The following COL1A1 variants were observed in gnomAD, a reference collection of about 807,000 sequenced individuals.
The protein encoded by COL1A1 is collagen alpha-1(I) chain.
COL1A1 carries 21 observed loss-of-function variants against 195.7 expected under a neutral mutation model. That is an observed-to-expected ratio of 0.11 (90% CI 0.08 to 0.15). The LOEUF (loss-of-function observed/expected upper bound fraction) is 0.15, where lower values mean the gene tolerates loss of function less well. Among genes scored for constraint, COL1A1 ranks in the 10% least tolerant of loss-of-function variants. The probability of loss-of-function intolerance (pLI) is 1.00; values close to 1 mark genes in which losing one functional copy is unlikely to be tolerated. For synonymous variants in COL1A1, 749 were observed against 747.3 expected (o/e 1.00, Z -0.04); for missense variants, 1,365 against 2,051.0 (o/e 0.67, Z 6.46).
rs73987447 is a variant in COL1A1, at chr17:50,197,678, C to T, written c.696+54G>A. On this transcript the variant is annotated intron_variant, in intron 9 of 50. Transcript: ENST00000225964. ...TGTGGTGGAGTGGAAATTGCAGGACCCAACCCATGGAGGCCATGGGGTCAG... is the reference window on the plus strand; with the variant it reads ...TGTGGTGGAGTGGAAATTGCAGGACTCAACCCATGGAGGCCATGGGGTCAG... 9,732 of 1,435,730 alleles carry T rather than the reference C, an allele frequency of 6.8e-3. 568 individuals are homozygous for T. The African/African-American group carries it at 0.12, about 18-fold the overall frequency. The allele number at this position is 1,435,730 out of a possible 1,614,324, so 88.9% of individuals were successfully genotyped here.
At position 50,188,751 on chromosome 17, in the gene COL1A1, A is replaced by T; in HGVS notation, c.3090T>A (p.Pro1030=). Residue 1030 remains proline, a synonymous_variant, in exon 42 of 51, where the codon CCT becomes CCA. Coordinates refer to ENST00000225964, the MANE Select transcript of COL1A1 (RefSeq NM_000088.4). The surrounding 1 kb of genome is among the most constrained non-coding windows in gnomAD (Gnocchi z 5.6). ...AGTGTTGCCATCTTACCTTGGCGCC[A>T]GGAGAACCGTCTCGTCCAGGGGAAC... ...AEGSPGRDGS[P]GAKGDRGETG... 1 of 1,614,116 alleles carries T rather than the reference A, an allele frequency of 6.2e-7. No homozygotes were observed. Among genetic ancestry groups the T allele is most frequent in the Non-Finnish European group, 8.5e-7 (1 of 1,179,980 alleles).
chr17:50,192,129 G>A lies in COL1A1; in HGVS notation c.1984-105C>T. 6 of 1,221,418 alleles carry A rather than the reference G, an allele frequency of 4.9e-6. 1 individual carries two copies. The highest frequency in any genetic ancestry group is 1.9e-4 in the Middle Eastern group (1 of 5,214). The allele number at this position is 1,221,418 out of a possible 1,614,324, so 75.7% of individuals were successfully genotyped here. On this transcript the variant is annotated intron_variant, in intron 29 of 50. Transcript: ENST00000225964. The stretch of plus-strand genomic sequence containing the variant: ...CTGGGGTCTGGCCGTGATTAGAGAG[G>A]AACCCCTTCTCAGCACTGAATTGAG...
Position 50,194,361 on chromosome 17 carries a change from C to G in COL1A1, c.1602G>C (p.Leu534=). The G allele has an allele frequency of 6.2e-7, 1 of 1,614,104 alleles. No homozygotes were observed. The highest frequency in any genetic ancestry group is 8.5e-7 in the Non-Finnish European group (1 of 1,180,020). ...CCTGGGGCCTCACCTTGGCACCAGG[C>G]AGACCAGCTTCACCGGGACGACCAG... ...GEAGRPGEAG[L]PGAKGLTGSP... Residue 534 remains leucine (L), a synonymous_variant, in exon 23 of 51, where the codon CTG becomes CTC. Transcript: ENST00000225964. The surrounding 1 kb of genome is among the most constrained non-coding windows in gnomAD (Gnocchi z 6.8).
rs1567755411 is a variant in COL1A1 at position 50,189,435 on chromosome 17, G to C, written c.2771C>G (p.Pro924Arg). 1 of 1,612,970 alleles carries C rather than the reference G, an allele frequency of 6.2e-7. No individual in the cohort carries two copies. The highest frequency in any genetic ancestry group is 8.5e-7 in the Non-Finnish European group (1 of 1,179,652). The change falls in exon 39 of 51, where the codon CCC (proline) becomes CGC (arginine). Residue 924 changes from proline (P) to arginine (R), a missense_variant. Around this residue, in one of 5 missense-constraint regions of COL1A1, gnomAD observed 671 missense variants for 1,099.9 expected, o/e 0.61. Transcript: ENST00000225964. The surrounding 1 kb of genome is among the most constrained non-coding windows in gnomAD (Gnocchi z 5.5). ...GPAGRPGEVG[P>R]PGPPGPAGEK... ...GCCAGCAGGGCCAGGGGGACCAGGG[G>C]GACCAACTTCACCAGGACGTCCAGC...
chr17:50,196,215 G>GA lies in COL1A1; in HGVS notation c.958-17dup, dbSNP rs1907574880. Reference sequence around the variant, plus strand: ...CACGAGCACCCTGCAGGAGAGAGGGGAAGCCCCGTTAAGTCCACTGAGCAC... The same window carrying GA: ...CACGAGCACCCTGCAGGAGAGAGGGGAAAGCCCCGTTAAGTCCACTGAGCAC... On this transcript the variant is annotated splice_polypyrimidine_tract_variant and intron_variant, in intron 14 of 50. Transcript: ENST00000225964. 1 of 1,613,874 alleles carries GA rather than the reference G, an allele frequency of 6.2e-7. No individual in the cohort carries two copies. The highest frequency in any genetic ancestry group is 1.3e-5 in the African/African-American group (1 of 74,890).
chr17:50,195,047 A>C lies in COL1A1; in HGVS notation c.1353T>G (p.Pro451=). 6.2e-7 allele frequency: 1 copy of C among 1,613,414 alleles called. No individual in the cohort carries two copies. Among genetic ancestry groups the C allele is most frequent in the Non-Finnish European group, 8.5e-7 (1 of 1,179,616 alleles). The change falls in exon 20 of 51, where the codon CCT becomes CCG. Residue 451 remains proline (P), a splice_region_variant and synonymous_variant. Coordinates refer to ENST00000225964, the MANE Select transcript of COL1A1 (RefSeq NM_000088.4). The surrounding 1 kb of genome is among the most constrained non-coding windows in gnomAD (Gnocchi z 4.3). ...SKGDTGAKGE[P]GPVGVQGPPG... is the part of the protein sequence containing the mutation. ...CAAGAAGGATGGCGGGGAGACTTAC[A>C]GGCTCTCCCTTAGCACCAGTGTCTC...
chr17:50,197,722 G>T lies in COL1A1; in HGVS notation c.696+10C>A, dbSNP rs1214116636. ...GGGTCAGATGGTATCTTCTTGCTGG[G>T]GATACTTACATCATCTCCATTCTTT... On this transcript the variant is annotated intron_variant, in intron 9 of 50. Transcript: ENST00000225964. 6.3e-7 allele frequency: 1 copy of T among 1,578,482 alleles called. No homozygotes were observed.
chr17:50,194,319 C>G lies in COL1A1; in HGVS notation c.1614+30G>C. 1 of 1,613,416 alleles carries G rather than the reference C, an allele frequency of 6.2e-7. No individual in the cohort carries two copies. Among genetic ancestry groups the G allele is most frequent in the Non-Finnish European group, 8.5e-7 (1 of 1,179,584 alleles). The stretch of plus-strand genomic sequence containing the variant: ...CCTACACGGGATGGTCAGGGCCTGG[C>G]CAAGCCAGGCTGAAAGCCTGGGGCC... On this transcript the variant is annotated intron_variant, in intron 23 of 50. Coordinates refer to ENST00000225964, the MANE Select transcript of COL1A1 (RefSeq NM_000088.4). This position sits in a 1 kb window ranked among gnomAD's most constrained non-coding sequence, Gnocchi z 6.8.
chr17:50,197,931 T>G lies in COL1A1; in HGVS notation c.642+18A>C, dbSNP rs16948767. On this transcript the variant is annotated intron_variant, in intron 8 of 50. Transcript: ENST00000225964. The stretch of plus-strand genomic sequence containing the variant: ...TGTGTTTGTAGAAGGAGTATGAATC[T>G]GTATAGAGAGTGCTTACTGAAGCTC... 62,984 of 1,613,074 alleles carry G rather than the reference T, an allele frequency of 0.039. 5,595 individuals carry two copies. Among genetic ancestry groups the G allele is most frequent in the African/African-American group, 0.36 (26,694 of 74,836 alleles).
chr17:50,199,152 T>A (rs1357273016), intron 5 of COL1A1, 74 bp downstream of exon 5: 3 of 1,422,164 alleles, frequency 2.1e-6, no homozygotes, highest in Non-Finnish European at 2.8e-6. Flanking sequence ...TATTTCAAAG[T>A]ATAAAATTAT....
At position 50,194,133 on chromosome 17, in the gene COL1A1, G is replaced by A. The variant is rs1187403277; in HGVS notation, c.1665C>T (p.Pro555=). The change falls in exon 24 of 51, where the codon CCC becomes CCT. Residue 555 remains proline (P), a synonymous_variant. Transcript: ENST00000225964. This position sits in a 1 kb window ranked among gnomAD's most constrained non-coding sequence, Gnocchi z 6.8. ...GSPGPDGKTG[P]PGPAGQDGRP... The stretch of plus-strand genomic sequence containing the variant: ...GTTCAGGGGGAGTGATACTTACAGG[G>A]GGGCCAGTTTTGCCATCAGGACCAG... 1 of 1,613,644 alleles carries A rather than the reference G, an allele frequency of 6.2e-7. No individual in the cohort carries two copies. Among genetic ancestry groups the A allele is most frequent in the South Asian group, 1.1e-5 (1 of 91,056 alleles).
rs370547300 is a variant in COL1A1 at position 50,196,297 on chromosome 17, G to A, written c.957+17C>T. The A allele has an allele frequency of 6.0e-5, 97 of 1,607,722 alleles. No individual in the cohort carries two copies. The African/African-American group carries it at 1.2e-3, about 19-fold the overall frequency. On this transcript the variant is annotated intron_variant, in intron 14 of 50. Transcript: ENST00000225964. ...TTCCAGAGCTCAGGGATCCCCCAAG[G>A]GGCCAGGAGTACTTACAGCAGGGCC...
At chr17:50,200,457 C>T (rs114028749) in intron 1 of COL1A1, among the ~76,000 whole-genome samples, 5,206 of 151,856 alleles carry the variant, frequency 0.034, 278 homozygotes, top group African/African-American at 0.12. Flanking sequence ...GGAAGGGAGG[C>T]CCCCCCAAGA....
At position 50,195,560 on chromosome 17, in the gene COL1A1, C is replaced by T. The variant is rs775665256; in HGVS notation, c.1155+7G>A. 1 of 1,613,912 alleles carries T rather than the reference C, an allele frequency of 6.2e-7. No individual in the cohort carries two copies. The highest frequency in any genetic ancestry group is 8.5e-7 in the Non-Finnish European group (1 of 1,179,986). On this transcript the variant is annotated splice_region_variant and intron_variant, in intron 17 of 50. Coordinates refer to ENST00000225964, the MANE Select transcript of COL1A1 (RefSeq NM_000088.4). The surrounding 1 kb of genome is among the most constrained non-coding windows in gnomAD (Gnocchi z 4.3). Reference sequence around the variant, plus strand: ...GGCAAAGGGGACACTGAGTCGGGGACACTTACAGCAGGGCCAGCAGCACCA... The same window carrying T: ...GGCAAAGGGGACACTGAGTCGGGGATACTTACAGCAGGGCCAGCAGCACCA...
At chr17:50,192,211 C>T in intron 29 of COL1A1, 187 bp from the exon 30 acceptor site, 1 of 741,578 alleles carries the variant, frequency 1.3e-6, no homozygotes, top group South Asian at 1.8e-5. Context: ...CTTCCCCCCT[C>T]CCCAAACTAT....
chr17:50,188,793 C>T lies in COL1A1; in HGVS notation c.3048G>A (p.Gly1016=), dbSNP rs777717587. 5.6e-6 allele frequency: 9 copies of T among 1,613,810 alleles called. No homozygotes were observed. Among genetic ancestry groups the T allele is most frequent in the Non-Finnish European group, 7.6e-6 (9 of 1,179,972 alleles). The change falls in exon 42 of 51, where the codon GGG becomes GGA. Residue 1016 remains glycine, a splice_region_variant and synonymous_variant. Transcript: ENST00000225964. The surrounding 1 kb of genome is among the most constrained non-coding windows in gnomAD (Gnocchi z 5.6). ...CAGGGGAACCTTCGGCACCAGGAGC[C>T]CCCTGCAGAGAGAGAGAGAGAGAAG... ...AGPPGESGRE[G]APGAEGSPGR...
rs58879635 is a variant in COL1A1 at position 50,184,475 on chromosome 17, C to CA, written c.*1026dup. 0.064 allele frequency: 7,686 copies of CA among 120,442 alleles called. 70 individuals are homozygous for CA. Among genetic ancestry groups the CA allele is most frequent in the Middle Eastern group, 0.11 (44 of 412 alleles). 7.5% of individuals were successfully genotyped at this position (120,442 alleles called of 1,614,324 possible). On this transcript the variant is annotated 3_prime_UTR_variant, in exon 51 of 51. Transcript: ENST00000225964. The stretch of plus-strand genomic sequence containing the variant: ...AGAAAAATTCACAAGTCCCCATCCA[C>CA]AAAAAAAAAAAAAAAAAAAGAAAAA...
In COL1A1 at chr17:50,186,054, G is replaced by C; in HGVS notation, c.4006-34C>G. The C allele has an allele frequency of 6.2e-7, 1 of 1,608,496 alleles. No individual in the cohort carries two copies. The highest frequency in any genetic ancestry group is 8.5e-7 in the Non-Finnish European group (1 of 1,179,844). ...GAGGGGAGAGAGGGAAGAGTGAGCC[G>C]CTATGCGGGAACCTCTAGTCCTGCC... On this transcript the variant is annotated intron_variant, in intron 49 of 50. Coordinates refer to ENST00000225964, the MANE Select transcript of COL1A1 (RefSeq NM_000088.4). This position sits in a 1 kb window ranked among gnomAD's most constrained non-coding sequence, Gnocchi z 5.3.
In COL1A1 at chr17:50,188,612, G is replaced by T; in HGVS notation, c.3125C>A (p.Ala1042Asp). ...AKGDRGETGP[A>D]GPPGAPGAPG... Reference sequence around the variant, plus strand: ...AGCACCAGGAGCACCAGGGGGTCCAGCGGGGCCGGTCTCACCACGGTCACC... The same window carrying T: ...AGCACCAGGAGCACCAGGGGGTCCATCGGGGCCGGTCTCACCACGGTCACC... Residue 1042 changes from alanine to aspartate, a missense_variant, in exon 43 of 51, where the codon GCT (alanine) becomes GAT (aspartate). Ala to Asp is a moderately radical substitution (Grantham distance 126, BLOSUM62 -2). Coordinates refer to ENST00000225964, the MANE Select transcript of COL1A1 (RefSeq NM_000088.4). This position sits in a 1 kb window ranked among gnomAD's most constrained non-coding sequence, Gnocchi z 5.6. 1 of 1,614,018 alleles carries T rather than the reference G, an allele frequency of 6.2e-7. No homozygotes were observed. The highest frequency in any genetic ancestry group is 2.2e-5 in the East Asian group (1 of 44,864).
Sources: gnomAD v4.1 joint callset for allele counts (sites outside exome capture counted in the v4.1 genomes callset) on GRCh38, gnomAD v4.1.1 for gene constraint, gnomAD v4.1.1 regional missense constraint, Gnocchi (gnomAD v3.1) non-coding constraint, MANE v1.5 for transcripts, NCBI Gene and HGNC (gene_info 2026-07-23, HGNC 2026-07-21) for gene names.